The following SHISA9 variants were observed in gnomAD, a reference collection of about 807,000 sequenced individuals.
SHISA9 encodes the protein protein shisa-9.
SHISA9 carries 13 observed loss-of-function variants against 38.0 expected under a neutral mutation model. The ratio of observed to expected loss-of-function variants is 0.34; its 90% CI spans 0.22 to 0.54. SHISA9 has a LOEUF of 0.54. Ranked by LOEUF, SHISA9 falls within the 20% of genes least tolerant of loss-of-function variation. The pLI is 0.91. For synonymous variants in SHISA9, 275 were observed against 242.0 expected (o/e 1.14, Z -1.27); for missense variants, 538 against 575.8 (o/e 0.93, Z 0.67).
chr16:13,503,469 C>T, the SHISA9 span, among the ~76,000 whole-genome samples: 1 of 152,114 alleles, frequency 6.6e-6, no homozygotes, highest in African/African-American at 2.4e-5. Flanking sequence ...ATGCATTCAC[C>T]TGGATATTGG....
intron 2 of SHISA9, among the ~76,000 whole-genome samples, chr16:13,180,167 T>C (rs2050765077): frequency 6.6e-6 from 1 of 152,252 alleles, no homozygotes; most frequent in South Asian, 2.1e-4. Flanking sequence ...TGTTTAACAC[T>C]TCTACACTTT....
chr16:13,352,070 A>C, the SHISA9 span, among the ~76,000 whole-genome samples: 2 of 152,272 alleles, frequency 1.3e-5, no homozygotes, highest in South Asian at 4.1e-4. Flanking sequence ...AGAGGATGTG[A>C]TAGCTGAAGG....
At chr16:13,361,684 C>T in the SHISA9 span, among the ~76,000 whole-genome samples, 1 of 152,178 alleles carries the variant, frequency 6.6e-6, no homozygotes, top group Admixed American at 6.5e-5. Context: ...TGTGCTGTTC[C>T]ACCTGCACGT....
At chr16:13,147,501 T>G (rs1489134106) in intron 2 of SHISA9, among the ~76,000 whole-genome samples, 2 of 135,974 alleles carry the variant, frequency 1.5e-5, no homozygotes, top group East Asian at 4.7e-4. Context: ...TCTCGCTCTG[T>G]CACCCAGGCT....
At chr16:13,242,980 C>A (rs991564441), downstream of SHISA9, among the ~76,000 whole-genome samples, 3 of 152,114 alleles carry the variant, frequency 2.0e-5, no homozygotes, top group African/African-American at 4.8e-5. Flanking sequence ...GTGGCTCATG[C>A]CTGTAATCCC....
At chr16:13,272,923 T>A in the SHISA9 span, among the ~76,000 whole-genome samples, 2 of 152,188 alleles carry the variant, frequency 1.3e-5, no homozygotes, top group South Asian at 2.1e-4. Flanking sequence ...TCACTGATAT[T>A]TTTTCTCTCT....
intron 2 of SHISA9, among the ~76,000 whole-genome samples, chr16:13,191,113 A>G (rs1185901146): frequency 2.6e-5 from 4 of 152,216 alleles, no homozygotes; most frequent in African/African-American, 9.6e-5. Flanking sequence ...TGGTATTTCA[A>G]ACCATAATTT....
intron 2 of SHISA9, among the ~76,000 whole-genome samples, chr16:13,052,501 C>G (rs959575091): frequency 6.6e-6 from 1 of 152,130 alleles, no homozygotes; most frequent in Non-Finnish European, 1.5e-5. Flanking sequence ...AGTCATGAAT[C>G]AACCATGAAT....
the SHISA9 span, among the ~76,000 whole-genome samples, chr16:13,548,361 A>G: frequency 6.6e-6 from 1 of 152,324 alleles, no homozygotes; most frequent in Non-Finnish European, 1.5e-5. Context: ...CTGAATAAAC[A>G]AAACTACATT....
chr16:13,288,083 C>A, the SHISA9 span, among the ~76,000 whole-genome samples: 1 of 151,974 alleles, frequency 6.6e-6, no homozygotes, highest in African/African-American at 2.4e-5. Flanking sequence ...GGAATCTGAG[C>A]TGAAGATTAT....
At chr16:13,322,395 A>G in the SHISA9 span, among the ~76,000 whole-genome samples, 2 of 152,134 alleles carry the variant, frequency 1.3e-5, no homozygotes, top group Admixed American at 1.3e-4. Context: ...CTCTCTTCTC[A>G]TCCTTTCCTC....
intron 4 of SHISA9, among the ~76,000 whole-genome samples, chr16:13,234,740 G>C (rs2578585): frequency 0.13 from 20,041 of 152,220 alleles, 1,642 homozygotes; most frequent in Admixed American, 0.27. Flanking sequence ...AACGATGGCA[G>C]AATGGTAGGT....
At chr16:12,953,284 T>A (rs2071784614) in intron 2 of SHISA9, among the ~76,000 whole-genome samples, 1 of 152,126 alleles carries the variant, frequency 6.6e-6, no homozygotes. Context: ...AAATAGTGCC[T>A]ACTCTGTGCT....
chr16:13,272,031 A>G, the SHISA9 span, among the ~76,000 whole-genome samples: 1 of 151,676 alleles, frequency 6.6e-6, no homozygotes, highest in Non-Finnish European at 1.5e-5. Flanking sequence ...GTGAGCTGCG[A>G]TTGTGCCACA....
At chr16:13,250,675 C>T in the SHISA9 span, among the ~76,000 whole-genome samples, 1 of 152,134 alleles carries the variant, frequency 6.6e-6, no homozygotes, top group Non-Finnish European at 1.5e-5. Context: ...AACAACAATA[C>T]ACTTATTTTC....
the SHISA9 span, among the ~76,000 whole-genome samples, chr16:13,394,523 C>G: frequency 6.6e-6 from 1 of 152,146 alleles, no homozygotes; most frequent in Non-Finnish European, 1.5e-5. Context: ...CAGCTTTGAG[C>G]CAATAACACA....
the SHISA9 span, among the ~76,000 whole-genome samples, chr16:13,376,601 T>C: frequency 6.6e-6 from 1 of 152,254 alleles, no homozygotes; most frequent in African/African-American, 2.4e-5. Flanking sequence ...ACATGGATTT[T>C]TTTTATTTTA....
chr16:13,231,885 C>T (rs1303451406), intron 4 of SHISA9, among the ~76,000 whole-genome samples: 1 of 152,248 alleles, frequency 6.6e-6, no homozygotes, highest in East Asian at 1.9e-4. Context: ...TACTCTGGCT[C>T]AGCCATTAGC....
At chr16:13,295,980 A>G in the SHISA9 span, among the ~76,000 whole-genome samples, 4 of 152,136 alleles carry the variant, frequency 2.6e-5, no homozygotes, top group East Asian at 3.9e-4. Flanking sequence ...CAGACTCTGT[A>G]TATGTCTATT....
Sources: allele counts gnomAD v4.1 joint callset (sites outside exome capture counted in the v4.1 genomes callset), GRCh38; gene constraint gnomAD v4.1.1; transcripts MANE v1.5; gene names NCBI Gene and HGNC (gene_info 2026-07-23, HGNC 2026-07-21).